The following DAB1 variants were observed in gnomAD, a reference collection of about 807,000 sequenced individuals.
The protein encoded by DAB1 is DAB adaptor protein 1.
A neutral mutation model predicts 64.6 loss-of-function variants in DAB1; 15 were observed. The observed-to-expected ratio is 0.23, with a 90% CI of 0.16 to 0.36. The LOEUF (loss-of-function observed/expected upper bound fraction) is 0.36, where lower values mean the gene tolerates loss of function less well. DAB1 is among the 10% of genes least tolerant of loss of function. The probability of loss-of-function intolerance (pLI) is 1.00; values close to 1 mark genes in which losing one functional copy is unlikely to be tolerated. For missense variants in DAB1, 596 were observed against 706.7 expected, an observed-to-expected ratio of 0.84 and a Z score of 1.78; for synonymous variants, 235 against 251.9, an observed-to-expected ratio of 0.93 and a Z score of 0.64.
intron 3 of DAB1, among the ~76,000 whole-genome samples, chr1:58,497,688 C>T (rs1350004176): frequency 6.6e-6 from 1 of 152,148 alleles, no homozygotes; most frequent in Non-Finnish European, 1.5e-5. Flanking sequence ...GTATGTCTCC[C>T]TCTCTGTACC....
chr1:58,034,019 C>T (rs1483114895), intron 5 of DAB1, among the ~76,000 whole-genome samples: 1 of 152,158 alleles, frequency 6.6e-6, no homozygotes, highest in Non-Finnish European at 1.5e-5. Context: ...TGTGTCATGA[C>T]ATAATCTGCC....
At chr1:58,356,830 G>A (rs1644115892) in intron 3 of DAB1, among the ~76,000 whole-genome samples, 1 of 152,014 alleles carries the variant, frequency 6.6e-6, no homozygotes, top group Non-Finnish European at 1.5e-5. Context: ...AGACCAGTAT[G>A]GGTGGGCAGC....
chr1:57,967,617 G>T (rs80264542), intron 5 of DAB1, among the ~76,000 whole-genome samples: 13 of 152,156 alleles, frequency 8.5e-5, no homozygotes, highest in African/African-American at 2.9e-4. Flanking sequence ...GTGGTTAAGC[G>T]TGCAGCTCTA....
At chr1:57,604,519 T>A (rs1250096733) in intron 7 of DAB1, among the ~76,000 whole-genome samples, 5 of 152,120 alleles carry the variant, frequency 3.3e-5, no homozygotes. Flanking sequence ...CCAGCGGAGA[T>A]CTCAGACATC....
intron 2 of DAB1, among the ~76,000 whole-genome samples, chr1:57,287,445 G>A (rs1413570032): frequency 6.6e-6 from 1 of 152,102 alleles, no homozygotes; most frequent in East Asian, 1.9e-4. Flanking sequence ...AACGAGATAA[G>A]GACATTTATT....
At chr1:57,828,457 C>T (rs1346194568) in intron 1 of DAB1, among the ~76,000 whole-genome samples, 2 of 152,168 alleles carry the variant, frequency 1.3e-5, no homozygotes, top group African/African-American at 4.8e-5. Context: ...TGAGAGTGGG[C>T]TTTCATTGTT....
chr1:57,664,771 A>G (rs1440985749), intron 6 of DAB1, among the ~76,000 whole-genome samples: 1 of 152,074 alleles, frequency 6.6e-6, no homozygotes, highest in African/African-American at 2.4e-5. Context: ...AGTGATAATA[A>G]AGAACATTTA....
intron 4 of DAB1, among the ~76,000 whole-genome samples, chr1:57,088,428 C>T (rs1397362918): frequency 1.3e-5 from 2 of 152,216 alleles, no homozygotes; most frequent in Non-Finnish European, 2.9e-5. Context: ...GCCCTAGTCT[C>T]CCTTAAAGTG....
At chr1:57,965,029 G>A (rs1645625050) in intron 5 of DAB1, among the ~76,000 whole-genome samples, 1 of 152,202 alleles carries the variant, frequency 6.6e-6, no homozygotes, top group African/African-American at 2.4e-5. Context: ...GAATTCCAAT[G>A]TATGAAGAAT....
intron 2 of DAB1, among the ~76,000 whole-genome samples, chr1:58,510,191 G>C (rs533299717): frequency 6.6e-6 from 1 of 151,746 alleles, no homozygotes; most frequent in Non-Finnish European, 1.5e-5. Flanking sequence ...AAAAAATTAC[G>C]GGCCAATATC....
chr1:57,911,481 C>A (rs868401184), intron 5 of DAB1, among the ~76,000 whole-genome samples: 1 of 152,174 alleles, frequency 6.6e-6, no homozygotes, highest in Non-Finnish European at 1.5e-5. Flanking sequence ...CATCATTTGG[C>A]AGTTTCCCCC....
chr1:57,984,075 C>T (rs1646131971), intron 5 of DAB1, among the ~76,000 whole-genome samples: 1 of 149,358 alleles, frequency 6.7e-6, no homozygotes, highest in African/African-American at 2.4e-5. Context: ...AGCAAGGCAG[C>T]CCCGCTCCAG....
At chr1:58,004,126 C>T (rs757168534) in intron 5 of DAB1, among the ~76,000 whole-genome samples, 65 of 152,216 alleles carry the variant, frequency 4.3e-4, no homozygotes, top group Non-Finnish European at 8.2e-4. Flanking sequence ...CCAGAAGTAA[C>T]ACCTCACACT....
chr1:57,348,821 T>C (rs1375008556), intron 1 of DAB1, among the ~76,000 whole-genome samples: 3 of 152,084 alleles, frequency 2.0e-5, no homozygotes, highest in Non-Finnish European at 2.9e-5. Context: ...CCTCTACACG[T>C]GGTTTTGGTT....
At chr1:57,542,796 C>T (rs1391099881) in intron 7 of DAB1, among the ~76,000 whole-genome samples, 1 of 152,116 alleles carries the variant, frequency 6.6e-6, no homozygotes, top group African/African-American at 2.4e-5. Flanking sequence ...TTCTCTCCCA[C>T]AATGTATCAG....
chr1:57,770,981 C>G (rs1649534314), intron 6 of DAB1, among the ~76,000 whole-genome samples: 1 of 152,200 alleles, frequency 6.6e-6, no homozygotes, highest in East Asian at 1.9e-4. Context: ...TCCCCCTAGC[C>G]TATGAAGATG....
At chr1:57,613,209 TTATAG>T (rs776183256) in intron 7 of DAB1, among the ~76,000 whole-genome samples, 14 of 152,306 alleles carry the variant, frequency 9.2e-5, no homozygotes, top group Non-Finnish European at 1.9e-4. Flanking sequence ...CTATCTGAGC[TTATAG>T]TAAAGAAGTC....
At chr1:58,063,300 GT>G (rs1648624415) in intron 5 of DAB1, among the ~76,000 whole-genome samples, 1 of 152,064 alleles carries the variant, frequency 6.6e-6, no homozygotes, top group Non-Finnish European at 1.5e-5. Flanking sequence ...GAGTCATTTC[GT>G]GACGCAAGAA....
intron 4 of DAB1, among the ~76,000 whole-genome samples, chr1:58,272,548 G>C (rs1397106429): frequency 3.9e-5 from 5 of 128,212 alleles, no homozygotes; most frequent in Non-Finnish European, 6.5e-5. Context: ...GGTCCCCTTG[G>C]TGCAGAGCTG....
Sources: gnomAD v4.1 joint callset for allele counts (sites outside exome capture counted in the v4.1 genomes callset) on GRCh38, gnomAD v4.1.1 for gene constraint, MANE v1.5 for transcripts, NCBI Gene and HGNC (gene_info 2026-07-23, HGNC 2026-07-21) for gene names.